PCDHA5: variants seen among roughly 807,000 people sequenced by gnomAD.
PCDHA5 encodes protocadherin alpha-5.
A neutral mutation model predicts 61.6 loss-of-function variants in PCDHA5; 43 were observed. The observed-to-expected ratio is 0.70, with a 90% CI of 0.55 to 0.90. The LOEUF (loss-of-function observed/expected upper bound fraction) is 0.90, where lower values mean the gene tolerates loss of function less well. Among genes scored for constraint, PCDHA5 ranks in the 40% least tolerant of loss-of-function variants. The pLI, the probability that PCDHA5 is intolerant of heterozygous loss-of-function variation, is 0.00. For missense variants in PCDHA5, 1,298 were observed against 1,222.7 expected, an observed-to-expected ratio of 1.06 and a Z score of -0.92; for synonymous variants, 627 against 543.9, an observed-to-expected ratio of 1.15 and a Z score of -2.13.
intron 1 of PCDHA5, chr5:140,858,724 G>A: frequency 2.0e-6 from 1 of 491,474 alleles, no homozygotes; most frequent in South Asian, 3.0e-5. Flanking sequence ...TTGCAGTTCT[G>A]ACGATTTACT....
chr5:140,977,841 A>G lies in PCDHA5; in HGVS notation c.2353-1108A>G, dbSNP rs76111417. On this transcript the variant is annotated intron_variant, in intron 1 of 3. Transcript: ENST00000529859. The stretch of plus-strand genomic sequence containing the variant: ...TTTTGAATGGTCTATTGATATTACT[A>G]TGGCTTTGTTTCTACCAAATATGGT... Among the ~76,000 whole-genome samples the G allele has an allele frequency of 8.3e-3, 1,257 of 152,348 alleles. 23 individuals carry two copies. Among genetic ancestry groups the G allele is most frequent in the African/African-American group, 0.028 (1,184 of 41,574 alleles).
intron 1 of PCDHA5, chr5:140,928,717 T>C: frequency 6.2e-7 from 1 of 1,614,208 alleles, no homozygotes; most frequent in Non-Finnish European, 8.5e-7. Context: ...CTCTAGTCTC[T>C]TTAGAATTTC....
chr5:140,828,424 C>T (rs138737999), intron 1 of PCDHA5: 4 of 1,614,132 alleles, frequency 2.5e-6, no homozygotes, highest in Non-Finnish European at 3.4e-6. Context: ...TGATCGTGGA[C>T]AGGCCGCTGC....
chr5:140,954,284 C>G (rs1719232084), intron 1 of PCDHA5, among the ~76,000 whole-genome samples: 1 of 152,158 alleles, frequency 6.6e-6, no homozygotes, highest in South Asian at 2.1e-4. Context: ...ATTTATATTC[C>G]TTTGGGTACA....
At chr5:140,893,984 AT>A (rs1305613741) in intron 1 of PCDHA5, among the ~76,000 whole-genome samples, 1 of 152,200 alleles carries the variant, frequency 6.6e-6, no homozygotes, top group South Asian at 2.1e-4. Context: ...TAATTTTAAA[AT>A]ATCTCCAATT....
Position 140,876,990 on chromosome 5 carries a change from C to T in PCDHA5, c.2352+52863C>T, listed in dbSNP as rs374520504. The T allele has an allele frequency of 2.2e-5, 35 of 1,612,500 alleles. No individual in the cohort carries two copies. In the South Asian group the frequency reaches 2.9e-4, roughly 13 times the overall value. On this transcript the variant is annotated intron_variant, in intron 1 of 3. Coordinates refer to ENST00000529859, the MANE Select transcript of PCDHA5 (RefSeq NM_018908.3). ...GGGTGGGCGAGCACGCACTGTCGAG[C>T]TACGTGTCGGTGCACGCGGAGAGCG... is the stretch of plus-strand genomic sequence containing the variant.
In PCDHA5 at chr5:140,967,001, A is replaced by T. The variant is rs1048933252; in HGVS notation, c.2353-11948A>T. The T allele has an allele frequency of 3.1e-6, 5 of 1,605,060 alleles. No homozygotes were observed. The South Asian group carries it at 5.5e-5, about 18-fold the overall frequency. The stretch of plus-strand genomic sequence containing the variant: ...GCGCTTGGGGCCGGGTTGCTTGCGC[A>T]TCAACCATCTGGGTGCGCCCAGTCC... On this transcript the variant is annotated intron_variant, in intron 1 of 3. Transcript: ENST00000529859.
At chr5:140,916,967 G>T (rs1215722713) in intron 1 of PCDHA5, among the ~76,000 whole-genome samples, 1 of 152,194 alleles carries the variant, frequency 6.6e-6, no homozygotes, top group African/African-American at 2.4e-5. Flanking sequence ...TGACTGCTGG[G>T]ATGAGTGATT....
chr5:140,862,826 G>A lies in PCDHA5; in HGVS notation c.2352+38699G>A, dbSNP rs112986835. ...CTGCTGCAGTTCTAGGTGAGAGCGCGCGACGCGGGCATGCCGCCTCTGAGC... is the reference window on the plus strand; with the variant it reads ...CTGCTGCAGTTCTAGGTGAGAGCGCACGACGCGGGCATGCCGCCTCTGAGC... On this transcript the variant is annotated intron_variant, in intron 1 of 3. Coordinates refer to ENST00000529859, the MANE Select transcript of PCDHA5 (RefSeq NM_018908.3). The A allele has an allele frequency of 1.9e-3, 1,106 of 575,060 alleles. 11 individuals carry two copies. Among genetic ancestry groups the A allele is most frequent in the African/African-American group, 0.019 (990 of 53,212 alleles). The allele number at this position is 575,060 out of a possible 1,614,324, so 35.6% of individuals were successfully genotyped here.
chr5:140,986,036 G>A (rs2097184937), intron 3 of PCDHA5, among the ~76,000 whole-genome samples: 2 of 152,116 alleles, frequency 1.3e-5, no homozygotes, highest in Admixed American at 1.3e-4. Context: ...ACTGCGCCTG[G>A]CCTCACTGAT....
At chr5:140,901,666 T>C (rs539450371) in intron 1 of PCDHA5, among the ~76,000 whole-genome samples, 12 of 152,346 alleles carry the variant, frequency 7.9e-5, no homozygotes, top group African/African-American at 2.6e-4. Context: ...TTGCTCAAGA[T>C]ACCTTTAGGT....
At chr5:140,838,559 T>C (rs1251865837) in intron 1 of PCDHA5, among the ~76,000 whole-genome samples, 1 of 152,048 alleles carries the variant, frequency 6.6e-6, no homozygotes, top group Non-Finnish European at 1.5e-5. Context: ...ATTCATCCAG[T>C]ACTGTATTAG....
chr5:140,915,367 G>A lies in PCDHA5; in HGVS notation c.2353-63582G>A, dbSNP rs185020793. On this transcript the variant is annotated intron_variant, in intron 1 of 3. Coordinates refer to ENST00000529859, the MANE Select transcript of PCDHA5 (RefSeq NM_018908.3). Reference sequence around the variant, plus strand: ...TCTGTATGCCTATTCTTACCAGTAAGTGTCTCGGCATTGAAGAGCTAGGTA... The same window carrying A: ...TCTGTATGCCTATTCTTACCAGTAAATGTCTCGGCATTGAAGAGCTAGGTA... Among the ~76,000 whole-genome samples, 5 of 152,278 alleles carry A rather than the reference G, an allele frequency of 3.3e-5. No individual in the cohort carries two copies. In the East Asian group the frequency reaches 9.7e-4, roughly 29 times the overall value.
intron 1 of PCDHA5, among the ~76,000 whole-genome samples, chr5:140,894,013 T>G (rs1161643824): frequency 1.3e-5 from 2 of 152,232 alleles, no homozygotes; most frequent in African/African-American, 4.8e-5. Flanking sequence ...TGGTTCAAAT[T>G]ACCAGTTCTG....
intron 1 of PCDHA5, chr5:140,851,686 TGA>T: frequency 1.1e-6 from 1 of 926,568 alleles, no homozygotes; most frequent in Non-Finnish European, 1.3e-6. Context: ...CTCCATTCAG[TGA>T]TAAAATGATC....
At chr5:140,884,469 C>T (rs371718634) in intron 1 of PCDHA5, 1 of 1,613,766 alleles carries the variant, frequency 6.2e-7, no homozygotes, top group Admixed American at 1.7e-5. Flanking sequence ...GCGTGCGCGC[C>T]GGGCAAGCCC....
At position 140,823,458 on chromosome 5, in the gene PCDHA5, G is replaced by T. The variant is rs1767715131; in HGVS notation, c.1683G>T (p.Ala561=). Residue 561 remains alanine, a synonymous_variant, in exon 1 of 4, where the codon GCG becomes GCT. Coordinates refer to ENST00000529859, the MANE Select transcript of PCDHA5 (RefSeq NM_018908.3). ...QVFVLDENDN[A]PALLVPRVGG... is the part of the protein sequence containing the mutation. ...TCGTGCTGGACGAGAACGACAACGC[G>T]CCGGCGCTGCTGGTGCCTCGAGTGG... 6.2e-7 allele frequency: 1 copy of T among 1,613,278 alleles called. No individual in the cohort carries two copies. Among genetic ancestry groups the T allele is most frequent in the African/African-American group, 1.3e-5 (1 of 74,914 alleles).
chr5:140,876,330 A>G, intron 1 of PCDHA5: 2 of 1,614,042 alleles, frequency 1.2e-6, no homozygotes, highest in Admixed American at 1.7e-5. Flanking sequence ...TGATTTTGCC[A>G]GTGAGTGAGA....
chr5:140,886,753 G>A (rs1434667485), intron 1 of PCDHA5, among the ~76,000 whole-genome samples: 3 of 151,010 alleles, frequency 2.0e-5, no homozygotes, highest in African/African-American at 7.3e-5. Flanking sequence ...TTGAACCCGG[G>A]AGGTGGAGGT....
Sources: allele counts gnomAD v4.1 joint callset (sites outside exome capture counted in the v4.1 genomes callset), GRCh38; gene constraint gnomAD v4.1.1; transcripts MANE v1.5; gene names NCBI Gene and HGNC (gene_info 2026-07-23, HGNC 2026-07-21).